The following POU2F1 variants were observed in gnomAD, a reference collection of about 807,000 sequenced individuals.
POU2F1 encodes the protein POU class 2 homeobox 1, also known as POU domain, class 2, transcription factor 1.
A neutral mutation model predicts 84.9 loss-of-function variants in POU2F1; 16 were observed. The observed-to-expected ratio is 0.19, with a 90% CI of 0.13 to 0.29. POU2F1 has a LOEUF of 0.29. Among genes scored for constraint, POU2F1 ranks in the 10% least tolerant of loss-of-function variants. The probability of loss-of-function intolerance (pLI) is 1.00; values close to 1 mark genes in which losing one functional copy is unlikely to be tolerated. For synonymous variants in POU2F1, 368 were observed against 368.3 expected (o/e 1.00, Z 0.01); for missense variants, 738 against 942.6 (o/e 0.78, Z 2.84).
intron 11 of POU2F1, among the ~76,000 whole-genome samples, 193 bp downstream of exon 11, chr1:167,398,326 A>G (rs1031894850): frequency 6.6e-6 from 1 of 152,202 alleles, no homozygotes; most frequent in African/African-American, 2.4e-5. Context: ...AGGAGAGACT[A>G]GAATCACATC....
At chr1:167,381,904 C>G (rs765207920) in intron 7 of POU2F1, among the ~76,000 whole-genome samples, 5 of 152,140 alleles carry the variant, frequency 3.3e-5, no homozygotes, top group Non-Finnish European at 7.4e-5. Context: ...GCCACCGCGC[C>G]TGGCCCTCTC....
chr1:167,424,426 C>T lies in POU2F1; in HGVS notation c.*8616C>T, dbSNP rs1297056662. On this transcript the variant is annotated 3_prime_UTR_variant, in exon 16 of 16. Transcript: ENST00000367866. ...GGAAACGCTCTCCTCCCGCATAAGT[C>T]TGTACTTCCATCCCCTCATCTGTGG... is the stretch of plus-strand genomic sequence containing the variant. 1 of 152,334 alleles carries T rather than the reference C, an allele frequency of 6.6e-6. No homozygotes were observed. Among genetic ancestry groups the T allele is most frequent in the African/African-American group, 2.4e-5 (1 of 41,476 alleles). 9.4% of individuals were successfully genotyped at this position (152,334 alleles called of 1,614,324 possible).
chr1:167,396,345 C>T lies in POU2F1; in HGVS notation c.1047C>T (p.Ile349=), dbSNP rs1328243832. 6.2e-7 allele frequency: 1 copy of T among 1,614,140 alleles called. No individual in the cohort carries two copies. The highest frequency in any genetic ancestry group is 1.7e-5 in the Admixed American group (1 of 60,018). The part of the protein sequence containing the change: ...LYGNDFSQTT[I]SRFEALNLSF... ...GAAATGACTTCAGCCAAACTACCAT[C>T]TCTCGATTTGAAGCCTTGAACCTCA... Residue 349 remains isoleucine (I), a synonymous_variant, in exon 10 of 16, where the codon ATC becomes ATT. Transcript: ENST00000367866.
intron 1 of POU2F1, among the ~76,000 whole-genome samples, chr1:167,272,942 C>T (rs1652474369): frequency 6.6e-6 from 1 of 152,168 alleles, no homozygotes; most frequent in South Asian, 2.1e-4. Flanking sequence ...AGGCAAGTCT[C>T]TTCCACTTAT....
chr1:167,263,989 G>C (rs1391861737), intron 1 of POU2F1, among the ~76,000 whole-genome samples: 1 of 152,084 alleles, frequency 6.6e-6, no homozygotes, highest in African/African-American at 2.4e-5. Context: ...GCCAATCCTG[G>C]GTTATGATGG....
At chr1:167,383,806 G>A in intron 7 of POU2F1, 51 bp from the exon 8 acceptor site, 1 of 1,477,270 alleles carries the variant, frequency 6.8e-7, no homozygotes, top group South Asian at 1.2e-5. Flanking sequence ...CTTTTGCCAT[G>A]TGTTCGAAGA....
Position 167,426,666 on chromosome 1 carries a change from G to C in POU2F1, c.*10856G>C, listed in dbSNP as rs1185232001. On this transcript the variant is annotated 3_prime_UTR_variant, in exon 16 of 16. Coordinates refer to ENST00000367866, the MANE Select transcript of POU2F1 (RefSeq NM_002697.4). The stretch of plus-strand genomic sequence containing the variant: ...GTGTTTGTCCACTGTTGTCAAAGGA[G>C]GGGCACAAGGGGAATTGGCCCCCGG... The C allele has an allele frequency of 1.3e-5, 2 of 152,008 alleles. No individual in the cohort carries two copies. The highest frequency in any genetic ancestry group is 2.9e-5 in the Non-Finnish European group (2 of 67,994). 9.4% of individuals were successfully genotyped at this position (152,008 alleles called of 1,614,324 possible). A position where few individuals can be genotyped will look rare whatever the true frequency, so the allele number is the denominator to read the frequency against.
At chr1:167,268,094 G>A (rs559730477) in intron 1 of POU2F1, among the ~76,000 whole-genome samples, 1 of 152,064 alleles carries the variant, frequency 6.6e-6, no homozygotes, top group South Asian at 2.1e-4. Context: ...TTAGATATTG[G>A]TTCTGCTTGT....
Position 167,361,880 on chromosome 1 carries a change from C to T in POU2F1, c.128-3587C>T, listed in dbSNP as rs145207942. 1.7e-4 allele frequency among the ~76,000 whole-genome samples: 26 copies of T among 152,244 alleles called. No homozygotes were observed. In the East Asian group the frequency reaches 4.8e-3, roughly 28 times the overall value. On this transcript the variant is annotated intron_variant, in intron 2 of 15. Transcript: ENST00000367866. ...GATCTGTTCAGGATTTCTGTAAACA[C>T]ACTAATCTTGAATGGTTTTTTTTCT...
chr1:167,304,725 AT>A (rs1205007362), intron 1 of POU2F1, among the ~76,000 whole-genome samples: 1 of 152,244 alleles, frequency 6.6e-6, no homozygotes, highest in African/African-American at 2.4e-5. Context: ...ATATTTGTAT[AT>A]CGTAAACTAT....
chr1:167,344,765 G>T (rs1658081608), intron 2 of POU2F1, among the ~76,000 whole-genome samples: 1 of 152,170 alleles, frequency 6.6e-6, no homozygotes, highest in Admixed American at 6.5e-5. Flanking sequence ...GAGAAGGAAA[G>T]AATGGGAGGG....
chr1:167,299,430 A>T (rs755764170), intron 1 of POU2F1, among the ~76,000 whole-genome samples: 26 of 152,184 alleles, frequency 1.7e-4, no homozygotes, highest in Non-Finnish European at 3.7e-4. Context: ...TTCTAAAAGG[A>T]ATAAATGGTT....
chr1:167,262,582 G>A (rs1403337651), intron 1 of POU2F1, among the ~76,000 whole-genome samples: 2 of 152,138 alleles, frequency 1.3e-5, no homozygotes, highest in African/African-American at 2.4e-5. Context: ...TTTCACAGAG[G>A]GAGCTAGAAG....
chr1:167,262,713 C>G (rs766622981), intron 1 of POU2F1, among the ~76,000 whole-genome samples: 1 of 152,026 alleles, frequency 6.6e-6, no homozygotes, highest in Non-Finnish European at 1.5e-5. Flanking sequence ...AAGAAAGATG[C>G]TTAGAGTGGC....
At position 167,398,333 on chromosome 1, in the gene POU2F1, C is replaced by T. The variant is rs553419245; in HGVS notation, c.1269+200C>T. Among the ~76,000 whole-genome samples the T allele has an allele frequency of 6.6e-5, 10 of 152,302 alleles. 1 individual carries two copies. In the East Asian group the frequency reaches 1.9e-3, roughly 29 times the overall value. On this transcript the variant is annotated intron_variant, in intron 11 of 15. Transcript: ENST00000367866. The stretch of plus-strand genomic sequence containing the variant: ...CAGGGTTCAGGAGAGACTAGAATCA[C>T]ATCCATGCAAGCACTCAGTATGAGA...
intron 1 of POU2F1, among the ~76,000 whole-genome samples, chr1:167,263,365 C>T (rs1651708828): frequency 6.6e-6 from 1 of 151,910 alleles, no homozygotes; most frequent in Non-Finnish European, 1.5e-5. Context: ...ACTAAAAATG[C>T]AAAAATTAGC....
At chr1:167,397,619 C>T (rs1285660303) in intron 10 of POU2F1, among the ~76,000 whole-genome samples, 3 of 152,206 alleles carry the variant, frequency 2.0e-5, no homozygotes, top group African/African-American at 7.2e-5. Flanking sequence ...CATCTCAGGT[C>T]ACTGCAGCCT....
intron 1 of POU2F1, among the ~76,000 whole-genome samples, chr1:167,255,488 T>TA (rs1301493705): frequency 1.3e-5 from 2 of 152,148 alleles, no homozygotes; most frequent in African/African-American, 4.8e-5. Flanking sequence ...AAAAATAAGA[T>TA]AGTTTTTATG....
At position 167,351,225 on chromosome 1, in the gene POU2F1, G is replaced by T. The variant is rs751360707; in HGVS notation, c.128-14242G>T. On this transcript the variant is annotated intron_variant, in intron 2 of 15. Transcript: ENST00000367866. ...AAAAATTAGCTGGGTGTGGTGGCAC[G>T]TGCCTGTAATCTCAGCTCCTCAGGA... Among the ~76,000 whole-genome samples, 8 of 151,198 alleles carry T rather than the reference G, an allele frequency of 5.3e-5. No homozygotes were observed. The East Asian group carries it at 1.6e-3, about 30-fold the overall frequency.
Sources: allele counts gnomAD v4.1 joint callset (sites outside exome capture counted in the v4.1 genomes callset), GRCh38; gene constraint gnomAD v4.1.1; transcripts MANE v1.5; gene names NCBI Gene and HGNC (gene_info 2026-07-23, HGNC 2026-07-21).